Variants in RARS1 observed in about 807,000 individuals in gnomAD.
RARS1 encodes arginyl-tRNA synthetase 1, also known as arginine--tRNA ligase, cytoplasmic.
A neutral mutation model predicts 78.7 loss-of-function variants in RARS1; 75 were observed. The observed-to-expected ratio is 0.95, with a 90% CI of 0.79 to 1.15. The LOEUF is 1.15. Ranked by LOEUF, RARS1 falls within the 50% of genes most tolerant of loss-of-function variation. RARS1 has a pLI of 0.00. For missense variants in RARS1, 787 were observed against 787.5 expected (o/e 1.00, Z 0.01); for synonymous variants, 273 against 268.2 (o/e 1.02, Z -0.18).
At position 168,500,713 on chromosome 5, in the gene RARS1, C is replaced by G; in HGVS notation, c.945C>G (p.Ser315=). 6.2e-7 allele frequency: 1 copy of G among 1,610,386 alleles called. No individual in the cohort carries two copies. The highest frequency in any genetic ancestry group is 8.5e-7 in the Non-Finnish European group (1 of 1,178,964). Reference sequence around the variant, plus strand: ...CTTGGAAGCTTATCTGTGATGTCTCCCGCCAAGGTGAGTTTCTGGGCTTTG... The same window carrying G: ...CTTGGAAGCTTATCTGTGATGTCTCGCGCCAAGGTGAGTTTCTGGGCTTTG... ...TKAWKLICDV[S]RQELNKIYDA... The change falls in exon 8 of 15, where the codon TCC becomes TCG. Residue 315 remains serine (S), a synonymous_variant. Coordinates refer to ENST00000231572, the MANE Select transcript of RARS1 (RefSeq NM_002887.4).
In RARS1 at chr5:168,506,066, G is replaced by T; in HGVS notation, c.1103G>T (p.Gly368Val). Residue 368 changes from glycine to valine, a missense_variant, in exon 10 of 15, where the codon GGG becomes GTG. Coordinates refer to ENST00000231572, the MANE Select transcript of RARS1 (RefSeq NM_002887.4). ...GGCAGAAAGATTGTATTTGTCCCAG[G>T]GTGTTCCATACCATTAACCATAGTA... ...DDGRKIVFVPGCSIPLTIVKS... is the reference protein window; with the variant it reads ...DDGRKIVFVPVCSIPLTIVKS... The T allele has an allele frequency of 6.2e-7, 1 of 1,607,030 alleles. No individual in the cohort carries two copies. Among genetic ancestry groups the T allele is most frequent in the Non-Finnish European group, 8.5e-7 (1 of 1,177,286 alleles).
intron 4 of RARS1, 112 bp downstream of exon 4, chr5:168,494,114 A>G (rs1414981625): frequency 1.6e-6 from 2 of 1,275,770 alleles, no homozygotes; most frequent in African/African-American, 1.5e-5. Flanking sequence ...ACTGAACAAG[A>G]TGGTGAAAGC....
intron 7 of RARS1, 77 bp from the exon 8 acceptor site, chr5:168,500,514 T>C (rs1236631249): frequency 1.5e-6 from 2 of 1,298,524 alleles, no homozygotes; most frequent in Non-Finnish European, 2.0e-6. Context: ...TGTGTAGAAA[T>C]GTGTAAGTTC....
chr5:168,496,504 A>G (rs538783016), intron 6 of RARS1, among the ~76,000 whole-genome samples: 10 of 150,698 alleles, frequency 6.6e-5, no homozygotes, highest in African/African-American at 2.2e-4. Context: ...TTTTTTGGAG[A>G]CAGAGTCTTG....
At chr5:168,488,085 C>A in intron 1 of RARS1, 1 of 288,522 alleles carries the variant, frequency 3.5e-6, no homozygotes, top group East Asian at 1.2e-4. Context: ...TACTCCGATT[C>A]CTGTCTCCCA....
intron 8 of RARS1, among the ~76,000 whole-genome samples, chr5:168,501,028 G>A (rs954764048): frequency 1.3e-5 from 2 of 152,180 alleles, no homozygotes; most frequent in Admixed American, 6.5e-5. Flanking sequence ...ATTCAGAAAT[G>A]TGTAGGACCA....
Position 168,504,472 on chromosome 5 carries a change from G to A in RARS1, c.1058-1549G>A, listed in dbSNP as rs180924372. Reference sequence around the variant, plus strand: ...CGGGAGGTGGAGATTGCAGTGAGCCGAGATCATGCCACTGCACTCCAGCCT... The same window carrying A: ...CGGGAGGTGGAGATTGCAGTGAGCCAAGATCATGCCACTGCACTCCAGCCT... On this transcript the variant is annotated intron_variant, in intron 9 of 14. Coordinates refer to ENST00000231572, the MANE Select transcript of RARS1 (RefSeq NM_002887.4). Among the ~76,000 whole-genome samples the A allele has an allele frequency of 5.8e-3, 874 of 149,504 alleles. 12 individuals carry two copies. Among genetic ancestry groups the A allele is most frequent in the African/African-American group, 0.02 (831 of 40,624 alleles).
chr5:168,502,034 C>T lies in RARS1; in HGVS notation c.986C>T (p.Ser329Phe). ...AAAATCTATGATGCATTGGACGTCTCTTTAATAGAGAGAGGGGAATCCTTC... is the reference window on the plus strand; with the variant it reads ...AAAATCTATGATGCATTGGACGTCTTTTTAATAGAGAGAGGGGAATCCTTC... ...LNKIYDALDVSLIERGESFYQ... is the reference protein window; with the variant it reads ...LNKIYDALDVFLIERGESFYQ... The change falls in exon 9 of 15, where the codon TCT becomes TTT. Residue 329 changes from serine (S) to phenylalanine (F), a missense_variant. Physicochemically the swap from Ser to Phe is radical, Grantham distance 155 (BLOSUM62 -2). Coordinates refer to ENST00000231572, the MANE Select transcript of RARS1 (RefSeq NM_002887.4). 6.2e-7 allele frequency: 1 copy of T among 1,600,702 alleles called. No homozygotes were observed. Among genetic ancestry groups the T allele is most frequent in the South Asian group, 1.1e-5 (1 of 88,478 alleles).
At position 168,518,052 on chromosome 5, in the gene RARS1, T is replaced by C. The variant is rs750726867; in HGVS notation, c.1863T>C (p.Asp621=). ...ATAGCTGCTACTGTGTGGAGAAAGA[T>C]AGACAGACTGGTGAGTGTCTTTTTT... ...FYDSCYCVEK[D]RQTGKILKVN... is the part of the protein sequence containing the mutation. The change falls in exon 14 of 15, where the codon GAT becomes GAC. Residue 621 remains aspartate (D), a synonymous_variant. Coordinates refer to ENST00000231572, the MANE Select transcript of RARS1 (RefSeq NM_002887.4). 8 of 1,516,294 alleles carry C rather than the reference T, an allele frequency of 5.3e-6. No homozygotes were observed. Among genetic ancestry groups the C allele is most frequent in the African/African-American group, 2.9e-5 (2 of 68,558 alleles). 93.9% of individuals were successfully genotyped at this position (1,516,294 alleles called of 1,614,324 possible).
At position 168,518,094 on chromosome 5, in the gene RARS1, TTAG is replaced by T. The variant is rs1459002864; in HGVS notation, c.1873+34_1873+36del. On this transcript the variant is annotated intron_variant, in intron 14 of 14. Coordinates refer to ENST00000231572, the MANE Select transcript of RARS1 (RefSeq NM_002887.4). ...GTCTTTTTTTTTTTTTTTTTTTTTT[TTAG>T]TGAGAGACACGGATCTTGCTCTGTC... is the stretch of plus-strand genomic sequence containing the variant. 2.9e-6 allele frequency: 4 copies of T among 1,397,424 alleles called. No homozygotes were observed. The African/African-American group carries it at 6.2e-5, about 22-fold the overall frequency. The allele number at this position is 1,397,424 out of a possible 1,614,324, so 86.6% of individuals were successfully genotyped here. A position where few individuals can be genotyped will look rare whatever the true frequency, so the allele number is the denominator to read the frequency against.
chr5:168,516,794 A>T lies in RARS1; in HGVS notation c.1469A>T (p.Glu490Val), dbSNP rs781696185. ...TTCCCAAAGGTCTTAACTGCAGAGGAATTGAATGCTGCTCAGACATCCGTT... is the reference window on the plus strand; with the variant it reads ...TTCCCAAAGGTCTTAACTGCAGAGGTATTGAATGCTGCTCAGACATCCGTT... ...KERDKVLTAE[E>V]LNAAQTSVAY... is the part of the protein sequence containing the mutation. The change falls in exon 13 of 15, where the codon GAA (glutamate) becomes GTA (valine). Residue 490 changes from glutamate to valine, a missense_variant. By Grantham distance (121) the Glu-to-Val change is moderately radical. Transcript: ENST00000231572. 6.2e-7 allele frequency: 1 copy of T among 1,614,168 alleles called. No homozygotes were observed. Among genetic ancestry groups the T allele is most frequent in the Admixed American group, 1.7e-5 (1 of 60,022 alleles).
Position 168,516,781 on chromosome 5 carries a change from T to G in RARS1, c.1456T>G (p.Leu486Val), listed in dbSNP as rs1287548738. Reference protein sequence around the residue: ...KLKEKERDKVLTAEELNAAQT... With the variant: ...KLKEKERDKVVTAEELNAAQT... ...TACTGTTTTGTTTTTCCCAAAGGTC[T>G]TAACTGCAGAGGAATTGAATGCTGC... The change falls in exon 13 of 15, where the codon TTA becomes GTA. Residue 486 changes from leucine (L) to valine (V), a missense_variant. Coordinates refer to ENST00000231572, the MANE Select transcript of RARS1 (RefSeq NM_002887.4). The G allele has an allele frequency of 5.6e-6, 9 of 1,614,108 alleles. No homozygotes were observed. The highest frequency in any genetic ancestry group is 7.6e-6 in the Non-Finnish European group (9 of 1,179,988).
intron 5 of RARS1, 26 bp downstream of exon 5, chr5:168,494,676 T>C: frequency 6.9e-7 from 1 of 1,440,936 alleles, no homozygotes; most frequent in Non-Finnish European, 9.8e-7. Context: ...TCTATTAATA[T>C]ATTAGTATCT....
At chr5:168,502,384 A>ATATATATATATATATATTTT (rs1280220276) in intron 9 of RARS1, among the ~76,000 whole-genome samples, 35 of 127,226 alleles carry the variant, frequency 2.8e-4, no homozygotes, top group African/African-American at 1.0e-3. Flanking sequence ...ATATATATAT[A>ATATATATATATATATATTTT]TTTTTTTTTT....
At chr5:168,488,413 C>T (rs549809048) in intron 1 of RARS1, 189 bp from the exon 2 acceptor site, 20 of 598,862 alleles carry the variant, frequency 3.3e-5, no homozygotes, top group South Asian at 3.1e-4. Context: ...CAGGCGTGAG[C>T]CACCATGCCT....
intron 3 of RARS1, among the ~76,000 whole-genome samples, chr5:168,493,633 CAAAAA>C (rs35001933): frequency 1.0e-4 from 8 of 78,242 alleles, no homozygotes; most frequent in African/African-American, 2.7e-4. Context: ...GACTCCATCT[CAAAAA>C]AAAAAAAAAA....
chr5:168,514,843 T>G (rs551582470), intron 12 of RARS1, among the ~76,000 whole-genome samples: 1 of 152,208 alleles, frequency 6.6e-6, no homozygotes, highest in African/African-American at 2.4e-5. Flanking sequence ...TTGGTCTGTC[T>G]TTGACTTTCA....
intron 2 of RARS1, among the ~76,000 whole-genome samples, chr5:168,491,550 A>G (rs1159402716): frequency 6.6e-6 from 1 of 152,204 alleles, no homozygotes; most frequent in Non-Finnish European, 1.5e-5. Flanking sequence ...ATTTCTTCAT[A>G]TGATAGAGAG....
chr5:168,507,932 C>T (rs1226914410), intron 11 of RARS1, among the ~76,000 whole-genome samples: 1 of 151,194 alleles, frequency 6.6e-6, no homozygotes, highest in Non-Finnish European at 1.5e-5. Context: ...GTAATCCCAG[C>T]TAAGGATTAC....
Sources: gnomAD v4.1 joint callset for allele counts (sites outside exome capture counted in the v4.1 genomes callset) on GRCh38, gnomAD v4.1.1 for gene constraint, MANE v1.5 for transcripts, NCBI Gene and HGNC (gene_info 2026-07-23, HGNC 2026-07-21) for gene names.